The following SLC41A3 variants were observed in gnomAD, a reference collection of about 807,000 sequenced individuals.
The protein encoded by SLC41A3 is SLC41A1-like 2.
Under a neutral mutation model 45.4 loss-of-function variants are expected in SLC41A3, and 44 were observed. The ratio of observed to expected loss-of-function variants is 0.97; its 90% CI spans 0.76 to 1.25. The LOEUF is 1.25. Ranked by LOEUF, SLC41A3 falls within the 50% of genes most tolerant of loss-of-function variation. SLC41A3 has a pLI of 0.00. For synonymous variants in SLC41A3, 256 were observed against 252.4 expected (o/e 1.01, Z -0.13); for missense variants, 550 against 600.6 (o/e 0.92, Z 0.88).
At chr3:126,055,828 C>A (rs1475359030) in intron 2 of SLC41A3, among the ~76,000 whole-genome samples, 3 of 152,092 alleles carry the variant, frequency 2.0e-5, no homozygotes, top group African/African-American at 7.2e-5. Flanking sequence ...CCCACCTGCA[C>A]CCCCAGGGCT....
chr3:126,094,637 C>T (rs1445157479), intron 1 of SLC41A3, among the ~76,000 whole-genome samples: 1 of 152,124 alleles, frequency 6.6e-6, no homozygotes, highest in Non-Finnish European at 1.5e-5. Context: ...CTTTACTATC[C>T]CTTTAGCTGA....
At chr3:126,022,969 C>A (rs1437496575) in intron 5 of SLC41A3, 37 bp from the exon 6 acceptor site, 1 of 1,611,890 alleles carries the variant, frequency 6.2e-7, no homozygotes, top group Non-Finnish European at 8.5e-7. Context: ...AGACTCAAAT[C>A]CCAGGGAGCC....
chr3:126,089,451 G>A (rs1451990262), intron 1 of SLC41A3, among the ~76,000 whole-genome samples: 2 of 152,160 alleles, frequency 1.3e-5, no homozygotes, highest in African/African-American at 2.4e-5. Flanking sequence ...ATGAAAATGG[G>A]TACTGCATTT....
intron 1 of SLC41A3, among the ~76,000 whole-genome samples, chr3:126,100,059 A>G (rs1945679224): frequency 6.6e-6 from 1 of 152,144 alleles, no homozygotes; most frequent in Non-Finnish European, 1.5e-5. Context: ...AGCTTGCCCA[A>G]AAGGGGTCAT....
intron 8 of SLC41A3, among the ~76,000 whole-genome samples, chr3:126,014,148 C>T (rs1940021709): frequency 6.6e-6 from 1 of 152,148 alleles, no homozygotes; most frequent in Admixed American, 6.5e-5. Flanking sequence ...AGGTGTGCAC[C>T]AGTGACCTCT....
intron 1 of SLC41A3, chr3:126,070,268 G>A (rs774867662): frequency 1.2e-4 from 18 of 152,226 alleles, no homozygotes; most frequent in East Asian, 5.8e-4. Flanking sequence ...GAAGGTGAGC[G>A]GCTCCCGGCG....
chr3:126,048,406 T>C (rs539471321), intron 3 of SLC41A3, among the ~76,000 whole-genome samples: 3 of 152,328 alleles, frequency 2.0e-5, no homozygotes, highest in African/African-American at 4.8e-5. Flanking sequence ...CGGGAGTATA[T>C]AGAGACATGT....
intron 1 of SLC41A3, chr3:126,073,206 C>T (rs1388903999): frequency 6.6e-6 from 1 of 152,174 alleles, no homozygotes; most frequent in Non-Finnish European, 1.5e-5. Flanking sequence ...TTTGGGAGGC[C>T]GAGGCAAGCA....
At chr3:126,059,513 T>C (rs1943945232) in intron 2 of SLC41A3, among the ~76,000 whole-genome samples, 1 of 152,116 alleles carries the variant, frequency 6.6e-6, no homozygotes. Flanking sequence ...CATTCTATCA[T>C]TTTCACAACA....
In SLC41A3 at chr3:126,023,204, G is replaced by A. The variant is rs138901598; in HGVS notation, c.599-272C>T. On this transcript the variant is annotated intron_variant, in intron 5 of 10. Coordinates refer to ENST00000360370, the MANE Select transcript of SLC41A3 (RefSeq NM_017836.4). ...TGCACATGATGCTAAGGAGTGACCC[G>A]TGGCTCCCGAGCTCCCAAATCACCA... 2.8e-3 allele frequency: 998 copies of A among 362,560 alleles called. 11 individuals carry two copies. Among genetic ancestry groups the A allele is most frequent in the African/African-American group, 0.018 (898 of 48,968 alleles). 22.5% of individuals were successfully genotyped at this position (362,560 alleles called of 1,614,324 possible). A position where few individuals can be genotyped will look rare whatever the true frequency, so the allele number is the denominator to read the frequency against.
chr3:126,044,800 G>A (rs1173166670), intron 3 of SLC41A3, among the ~76,000 whole-genome samples: 1 of 149,406 alleles, frequency 6.7e-6, no homozygotes, highest in Non-Finnish European at 1.5e-5. Context: ...GGAGGCTGAG[G>A]CAGAAGAATG....
At chr3:126,042,319 G>C (rs1447682420) in intron 3 of SLC41A3, among the ~76,000 whole-genome samples, 3 of 152,106 alleles carry the variant, frequency 2.0e-5, no homozygotes, top group African/African-American at 4.8e-5. Context: ...CATGTATATG[G>C]GGGAATTGGA....
At chr3:126,094,023 G>A (rs1237411330) in intron 1 of SLC41A3, among the ~76,000 whole-genome samples, 2 of 152,198 alleles carry the variant, frequency 1.3e-5, no homozygotes, top group African/African-American at 4.8e-5. Context: ...ATTTTGCATT[G>A]TGAAGGGCCT....
At chr3:126,069,517 G>A (rs1029034131) in intron 1 of SLC41A3, among the ~76,000 whole-genome samples, 1 of 152,116 alleles carries the variant, frequency 6.6e-6, no homozygotes, top group Non-Finnish European at 1.5e-5. Context: ...TCCTGGGAAG[G>A]GGGGAATCTC....
chr3:126,080,974 A>G (rs1945120712), intron 1 of SLC41A3, among the ~76,000 whole-genome samples: 1 of 152,094 alleles, frequency 6.6e-6, no homozygotes, highest in Non-Finnish European at 1.5e-5. Flanking sequence ...CAAACTAAAA[A>G]CAGAACTACC....
rs1482030165 is a variant in SLC41A3, at chr3:126,006,414, G to C, written c.*602C>G. On this transcript the variant is annotated 3_prime_UTR_variant, in exon 11 of 11. Coordinates refer to ENST00000360370, the MANE Select transcript of SLC41A3 (RefSeq NM_017836.4). Reference sequence around the variant, plus strand: ...TTCTCTGATTATTGAAATCTAAATAGAGGTTTTTGCTAACAAACAAAAAGG... The same window carrying C: ...TTCTCTGATTATTGAAATCTAAATACAGGTTTTTGCTAACAAACAAAAAGG... 6.2e-7 allele frequency: 1 copy of C among 1,608,988 alleles called. No homozygotes were observed. The highest frequency in any genetic ancestry group is 8.5e-7 in the Non-Finnish European group (1 of 1,177,950).
intron 4 of SLC41A3, among the ~76,000 whole-genome samples, chr3:126,027,209 T>C (rs540300596): frequency 1.8e-4 from 28 of 152,146 alleles, no homozygotes; most frequent in African/African-American, 5.8e-4. Context: ...TGGGAGGTGA[T>C]TGGATCACAG....
At chr3:126,088,373 A>G (rs1945433833), upstream of SLC41A3, among the ~76,000 whole-genome samples, 1 of 152,210 alleles carries the variant, frequency 6.6e-6, no homozygotes, top group Admixed American at 6.5e-5. Flanking sequence ...GTAATTTGGC[A>G]AATTTAATCT....
At chr3:126,081,315 T>C (rs766144341) in intron 1 of SLC41A3, among the ~76,000 whole-genome samples, 3 of 152,166 alleles carry the variant, frequency 2.0e-5, no homozygotes, top group Non-Finnish European at 4.4e-5. Flanking sequence ...GGAGGGGATC[T>C]CAAGGAGGTA....
Sources: gnomAD v4.1 joint callset for allele counts (sites outside exome capture counted in the v4.1 genomes callset) on GRCh38, gnomAD v4.1.1 for gene constraint, MANE v1.5 for transcripts, NCBI Gene and HGNC (gene_info 2026-07-23, HGNC 2026-07-21) for gene names.